The following PCDHGB3 variants were observed in gnomAD, a reference collection of about 807,000 sequenced individuals.
PCDHGB3 encodes the protein protocadherin gamma-B3.
Under a neutral mutation model 59.2 loss-of-function variants are expected in PCDHGB3, and 40 were observed. The ratio of observed to expected loss-of-function variants is 0.68; its 90% CI spans 0.52 to 0.88. The LOEUF is 0.88. PCDHGB3 is among the 40% of genes least tolerant of loss of function. The pLI is 0.00. For missense variants in PCDHGB3, 1,309 were observed against 1,187.9 expected (o/e 1.10, Z -1.50); for synonymous variants, 581 against 503.6 (o/e 1.15, Z -2.06).
Position 141,422,952 on chromosome 5 carries a change from C to T in PCDHGB3, c.2415+50143C>T, listed in dbSNP as rs759618535. 11 of 1,614,254 alleles carry T rather than the reference C, an allele frequency of 6.8e-6. No homozygotes were observed. The East Asian group carries it at 2.0e-4, about 29-fold the overall frequency. On this transcript the variant is annotated intron_variant, in intron 1 of 3. Coordinates refer to ENST00000576222, the MANE Select transcript of PCDHGB3 (RefSeq NM_018924.5). ...CCCTCCCCACAGACGGCTCCACTGG[C>T]GTGGAGCTGGCGCCCCGCTCTGCGG...
chr5:141,396,654 T>G (rs1489747712), intron 1 of PCDHGB3: 1 of 151,996 alleles, frequency 6.6e-6, no homozygotes, highest in Non-Finnish European at 1.5e-5. Context: ...TAGTAAAAAC[T>G]CGGTATAGGC....
At chr5:141,457,864 C>T (rs962336979) in intron 1 of PCDHGB3, among the ~76,000 whole-genome samples, 5 of 152,166 alleles carry the variant, frequency 3.3e-5, no homozygotes, top group African/African-American at 4.8e-5. Flanking sequence ...CTTCACTGAC[C>T]ACAGGTTAGG....
intron 1 of PCDHGB3, chr5:141,376,333 G>A: frequency 6.2e-7 from 1 of 1,614,188 alleles, no homozygotes; most frequent in Non-Finnish European, 8.5e-7. Context: ...GGGCTTTCCT[G>A]CAGACCTATT....
At chr5:141,387,911 C>G (rs2091149943) in intron 1 of PCDHGB3, 8 of 1,495,982 alleles carry the variant, frequency 5.3e-6, no homozygotes, top group Non-Finnish European at 7.1e-6. Flanking sequence ...GGGAGCTGGG[C>G]CGGGCTGAGA....
rs1177173734 is a variant in PCDHGB3, at chr5:141,491,741, G to A, written c.2416-3066G>A. ...CCGCCCCGGGCGACCCCTGGGGGCG[G>A]CACTGGAGAAGCCGCCCGTCCTCAT... On this transcript the variant is annotated intron_variant, in intron 1 of 3. Coordinates refer to ENST00000576222, the MANE Select transcript of PCDHGB3 (RefSeq NM_018924.5). The surrounding 1 kb of genome is among the most constrained non-coding windows in gnomAD (Gnocchi z 6.9). 1.9e-6 allele frequency: 3 copies of A among 1,595,644 alleles called. No homozygotes were observed. In the South Asian group the frequency reaches 3.4e-5, roughly 18 times the overall value.
chr5:141,489,571 G>A lies in PCDHGB3; in HGVS notation c.2416-5236G>A, dbSNP rs1206848223. The A allele has an allele frequency of 1.9e-6, 3 of 1,613,884 alleles. No individual in the cohort carries two copies. The highest frequency in any genetic ancestry group is 2.2e-5 in the South Asian group (2 of 91,070). On this transcript the variant is annotated intron_variant, in intron 1 of 3. Transcript: ENST00000576222. The surrounding 1 kb of genome is among the most constrained non-coding windows in gnomAD (Gnocchi z 4.5). ...CCTGCTGCCAGTGCAGGTGGTGACT[G>A]AACACCCCCTGGAGCTAATCCGTGT...
At position 141,512,951 on chromosome 5, in the gene PCDHGB3, AATAAT is replaced by A. The variant is rs1231390259; in HGVS notation, c.*1780_*1784del. 2.1e-5 allele frequency: 3 copies of A among 141,994 alleles called. No homozygotes were observed. Among genetic ancestry groups the A allele is most frequent in the Non-Finnish European group, 4.8e-5 (3 of 62,372 alleles). The allele number at this position is 141,994 out of a possible 1,614,324, so 8.8% of individuals were successfully genotyped here. A position where few individuals can be genotyped will look rare whatever the true frequency, so the allele number is the denominator to read the frequency against. On this transcript the variant is annotated 3_prime_UTR_variant, in exon 4 of 4. Coordinates refer to ENST00000576222, the MANE Select transcript of PCDHGB3 (RefSeq NM_018924.5). ...TATGGCTTTTTTTCTTCGACAAAAAAATAATAAAACGTTTCTTCTGAAAAGCTGAA... is the reference window on the plus strand; with the variant it reads ...TATGGCTTTTTTTCTTCGACAAAAAAAAAACGTTTCTTCTGAAAAGCTGAA...
rs911461762 is a variant in PCDHGB3 at position 141,512,938 on chromosome 5, T to C, written c.*1765T>C. The stretch of plus-strand genomic sequence containing the variant: ...ACTCTAATATTTATATGGCTTTTTT[T>C]CTTCGACAAAAAAATAATAAAACGT... On this transcript the variant is annotated 3_prime_UTR_variant, in exon 4 of 4. Coordinates refer to ENST00000576222, the MANE Select transcript of PCDHGB3 (RefSeq NM_018924.5). 6.6e-6 allele frequency: 1 copy of C among 151,928 alleles called. No homozygotes were observed. Among genetic ancestry groups the C allele is most frequent in the Non-Finnish European group, 1.5e-5 (1 of 67,934 alleles). The allele number at this position is 151,928 out of a possible 1,614,324, so 9.4% of individuals were successfully genotyped here.
intron 2 of PCDHGB3, among the ~76,000 whole-genome samples, chr5:141,500,939 G>T (rs2099804123): frequency 6.6e-6 from 1 of 151,680 alleles, no homozygotes; most frequent in South Asian, 2.1e-4. Context: ...CGCCATCTCG[G>T]CTCACTGCAA....
chr5:141,475,928 G>A, intron 1 of PCDHGB3: 1 of 630,590 alleles, frequency 1.6e-6, no homozygotes, highest in Non-Finnish European at 2.7e-6. Context: ...TGGAGATCGG[G>A]CCCCTGCCCG....
chr5:141,376,309 C>A (rs775051431), intron 1 of PCDHGB3: 109 of 1,614,030 alleles, frequency 6.8e-5, no homozygotes, highest in Non-Finnish European at 8.9e-5. Context: ...ACTTTGTGGG[C>A]GTGGAAGGGG....
At chr5:141,390,458 G>A (rs1037400063) in intron 1 of PCDHGB3, 7 of 754,546 alleles carry the variant, frequency 9.3e-6, no homozygotes, top group Non-Finnish European at 1.5e-5. Context: ...AGTAAAGTAG[G>A]AGCAATTGTG....
At chr5:141,401,033 C>T (rs1437899833) in intron 1 of PCDHGB3, among the ~76,000 whole-genome samples, 1 of 152,016 alleles carries the variant, frequency 6.6e-6, no homozygotes, top group Non-Finnish European at 1.5e-5. Context: ...TTTGAATCTC[C>T]TAAAATTTTA....
chr5:141,449,424 T>C (rs2098638345), intron 1 of PCDHGB3, among the ~76,000 whole-genome samples: 1 of 151,674 alleles, frequency 6.6e-6, no homozygotes, highest in Admixed American at 6.6e-5. Context: ...CTGGCCAACA[T>C]GATAAAACTC....
Position 141,477,099 on chromosome 5 carries a change from G to C in PCDHGB3, c.2416-17708G>C. On this transcript the variant is annotated intron_variant, in intron 1 of 3. Transcript: ENST00000576222. This position sits in a 1 kb window ranked among gnomAD's most constrained non-coding sequence, Gnocchi z 4.9. ...ATTTACATCCAGGCCAAAGACAAGG[G>C]CGCCAATCCCGAAGGAGCACATTGC... 6.2e-7 allele frequency: 1 copy of C among 1,614,256 alleles called. No individual in the cohort carries two copies. Among genetic ancestry groups the C allele is most frequent in the Non-Finnish European group, 8.5e-7 (1 of 1,180,054 alleles).
chr5:141,471,568 A>G (rs947450908), intron 1 of PCDHGB3: 3 of 152,214 alleles, frequency 2.0e-5, no homozygotes, highest in Non-Finnish European at 2.9e-5. Context: ...CAGGGGTAGC[A>G]GTAGATAGGG....
At position 141,432,119 on chromosome 5, in the gene PCDHGB3, C is replaced by T. The variant is rs1273427353; in HGVS notation, c.2415+59310C>T. On this transcript the variant is annotated intron_variant, in intron 1 of 3. Transcript: ENST00000576222. The surrounding 1 kb of genome is among the most constrained non-coding windows in gnomAD (Gnocchi z 6.0). ...CAACGACAACCCGCCGGTCTTCCCT[C>T]AGGCCTCCTATTCCGCTTATATCCC... is the stretch of plus-strand genomic sequence containing the variant. 7 of 1,614,184 alleles carry T rather than the reference C, an allele frequency of 4.3e-6. No homozygotes were observed. Among genetic ancestry groups the T allele is most frequent in the Non-Finnish European group, 5.9e-6 (7 of 1,180,032 alleles).
chr5:141,410,789 A>G (rs1264282350), intron 1 of PCDHGB3: 13 of 794,352 alleles, frequency 1.6e-5, no homozygotes, highest in Non-Finnish European at 2.4e-5. Flanking sequence ...TATTTGGTTC[A>G]TAAGTTGCTC....
chr5:141,400,144 G>A, intron 1 of PCDHGB3: 1 of 1,614,068 alleles, frequency 6.2e-7, no homozygotes, highest in Non-Finnish European at 8.5e-7. Context: ...GGATATCACT[G>A]ACCGCCCTGT....
Sources: gnomAD v4.1 joint callset for allele counts (sites outside exome capture counted in the v4.1 genomes callset) on GRCh38, gnomAD v4.1.1 for gene constraint, Gnocchi (gnomAD v3.1) non-coding constraint, MANE v1.5 for transcripts, NCBI Gene and HGNC (gene_info 2026-07-23, HGNC 2026-07-21) for gene names.